Variants in PCDH15 observed in about 807,000 individuals in gnomAD.
PCDH15 encodes the protein protocadherin related 15, also known as protocadherin-15.
In PCDH15, 129 loss-of-function variants were observed where a neutral mutation model predicts 178.5. The observed-to-expected ratio is 0.72, with a 90% confidence interval of 0.63 to 0.84. The LOEUF is 0.84. PCDH15 is among the 40% of genes least tolerant of loss of function. The pLI is 0.00. For missense variants in PCDH15, 2,230 were observed against 2,099.9 expected (o/e 1.06, Z -1.21); for synonymous variants, 800 against 732.0 (o/e 1.09, Z -1.50).
chr10:55,498,597 T>C (rs147407571), intron 2 of PCDH15, among the ~76,000 whole-genome samples: 8 of 152,008 alleles, frequency 5.3e-5, no homozygotes, highest in Non-Finnish European at 8.8e-5. Context: ...CTTTGAACAA[T>C]GAAAACTGAG....
chr10:54,610,030 T>C (rs2092909823), intron 2 of PCDH15, among the ~76,000 whole-genome samples: 1 of 151,980 alleles, frequency 6.6e-6, no homozygotes, highest in African/African-American at 2.4e-5. Flanking sequence ...ATGGGTAAAA[T>C]AGCCATCAAA....
chr10:54,661,260 C>T (rs2094486349), intron 2 of PCDH15, among the ~76,000 whole-genome samples: 1 of 151,926 alleles, frequency 6.6e-6, no homozygotes, highest in African/African-American at 2.4e-5. Context: ...AACACTCAAA[C>T]TGAGAACCAA....
intron 1 of PCDH15, among the ~76,000 whole-genome samples, chr10:55,171,898 A>G (rs1434840994): frequency 8.8e-6 from 1 of 113,832 alleles, no homozygotes; most frequent in Non-Finnish European, 2.0e-5. Flanking sequence ...TCAGCAGTAT[A>G]TTTAACCAGA....
At chr10:55,539,201 T>G (rs1841701500) in intron 2 of PCDH15, among the ~76,000 whole-genome samples, 1 of 152,030 alleles carries the variant, frequency 6.6e-6, no homozygotes. Context: ...TAACCAAGTG[T>G]TTTTGAAGTA....
intron 23 of PCDH15, among the ~76,000 whole-genome samples, chr10:53,946,566 C>G (rs2086593372): frequency 6.6e-6 from 1 of 152,124 alleles, no homozygotes; most frequent in Admixed American, 6.5e-5. Flanking sequence ...TGTGATATCT[C>G]ATTTCACTTT....
chr10:55,301,690 G>A (rs944324905), intron 1 of PCDH15, among the ~76,000 whole-genome samples: 8 of 151,916 alleles, frequency 5.3e-5, no homozygotes, highest in African/African-American at 1.9e-4. Context: ...CCTAAAGGAT[G>A]TTTTCTAAGT....
At chr10:54,237,638 T>C (rs1464864080) in intron 8 of PCDH15, among the ~76,000 whole-genome samples, 1 of 152,206 alleles carries the variant, frequency 6.6e-6, no homozygotes, top group Non-Finnish European at 1.5e-5. Flanking sequence ...ATATGGTCTA[T>C]GTTGCAGCTA....
At chr10:53,996,985 C>G (rs2091885609) in intron 20 of PCDH15, among the ~76,000 whole-genome samples, 1 of 152,058 alleles carries the variant, frequency 6.6e-6, no homozygotes, top group South Asian at 2.1e-4. Context: ...CATAAATTAA[C>G]AGATCTCAAA....
chr10:54,222,490 C>A (rs2052950723), intron 9 of PCDH15, among the ~76,000 whole-genome samples: 1 of 152,156 alleles, frequency 6.6e-6, no homozygotes, highest in African/African-American at 2.4e-5. Context: ...GAGATTCCTC[C>A]AAGTTGCTGT....
intron 3 of PCDH15, among the ~76,000 whole-genome samples, chr10:54,495,729 A>C (rs923457443): frequency 6.6e-6 from 1 of 152,056 alleles, no homozygotes; most frequent in African/African-American, 2.4e-5. Context: ...CATCCATGCA[A>C]TATTTACTGG....
chr10:53,840,978 C>G (rs1035387684), intron 28 of PCDH15, among the ~76,000 whole-genome samples: 1 of 152,166 alleles, frequency 6.6e-6, no homozygotes, highest in African/African-American at 2.4e-5. Context: ...TGCAGAATCA[C>G]AGCAACGGGA....
intron 3 of PCDH15, among the ~76,000 whole-genome samples, chr10:54,515,078 C>T (rs2082073455): frequency 6.6e-6 from 1 of 152,194 alleles, no homozygotes; most frequent in Non-Finnish European, 1.5e-5. Context: ...TTCTGCATTT[C>T]CATCTGAGGT....
chr10:53,933,351 T>A (rs11003936), intron 25 of PCDH15, among the ~76,000 whole-genome samples: 12,530 of 136,382 alleles, frequency 0.092, 1,228 homozygotes, highest in East Asian at 0.29. Flanking sequence ...CAGTCCCCCG[T>A]GTGTGATGTT....
chr10:55,460,049 C>T (rs994830264), intron 2 of PCDH15, among the ~76,000 whole-genome samples: 1 of 151,748 alleles, frequency 6.6e-6, no homozygotes, highest in African/African-American at 2.4e-5. Flanking sequence ...CCCCACAGAA[C>T]AAAAGTGATT....
Position 55,001,543 on chromosome 10 carries a change from G to C in PCDH15, c.-79-104043C>G, listed in dbSNP as rs573144919. 7.9e-5 allele frequency among the ~76,000 whole-genome samples: 12 copies of C among 152,260 alleles called. No individual in the cohort carries two copies. The East Asian group carries it at 2.3e-3, about 30-fold the overall frequency. On this transcript the variant is annotated intron_variant, in intron 2 of 5. Coordinates refer to the PCDH15 transcript ENST00000458638. ...GGGCAAGGCTGTCAGTGGTATGCCT[G>C]TTCCACCCACAGCCTTGCACAGAGC...
chr10:55,588,461 C>A (rs529390177), intron 2 of PCDH15, among the ~76,000 whole-genome samples: 19 of 151,902 alleles, frequency 1.3e-4, no homozygotes, highest in Non-Finnish European at 2.2e-4. Flanking sequence ...TAAAAGAAAC[C>A]CCACACACAT....
intron 3 of PCDH15, among the ~76,000 whole-genome samples, chr10:54,821,626 C>A (rs1232838870): frequency 6.6e-6 from 1 of 152,024 alleles, no homozygotes; most frequent in Non-Finnish European, 1.5e-5. Flanking sequence ...TCTTTGACTA[C>A]CTCTTCACAA....
chr10:54,528,299 A>T, intron 2 of PCDH15: 1 of 1,283,662 alleles, frequency 7.8e-7, no homozygotes, highest in East Asian at 2.5e-5. Context: ...GAGTGAATAG[A>T]ATTTTAATAA....
chr10:55,466,280 T>A (rs906956421), intron 2 of PCDH15, among the ~76,000 whole-genome samples: 5 of 152,120 alleles, frequency 3.3e-5, no homozygotes, highest in African/African-American at 1.2e-4. Context: ...CTATCAATAA[T>A]CTATCAGATA....
Sources: allele counts gnomAD v4.1 joint callset (sites outside exome capture counted in the v4.1 genomes callset), GRCh38; gene constraint gnomAD v4.1.1; transcripts MANE v1.5; gene names NCBI Gene and HGNC (gene_info 2026-07-23, HGNC 2026-07-21).